Variants in GSE1 observed in about 807,000 individuals in gnomAD.
GSE1 encodes the protein Gse1 coiled-coil protein.
In GSE1, 32 loss-of-function variants were observed where a neutral mutation model predicts 112.6. The ratio of observed to expected loss-of-function variants is 0.28; its 90% CI spans 0.21 to 0.38. The LOEUF (loss-of-function observed/expected upper bound fraction) is 0.38, where lower values mean the gene tolerates loss of function less well. Ranked by LOEUF, GSE1 falls within the 10% of genes least tolerant of loss-of-function variation. GSE1 has a pLI of 1.00. For synonymous variants in GSE1, 1,115 were observed against 735.6 expected (o/e 1.52, Z -8.35); for missense variants, 2,348 against 1,699.2 (o/e 1.38, Z -6.71).
At chr16:85,447,446 C>T (rs978083162) in intron 2 of GSE1, among the ~76,000 whole-genome samples, 2 of 152,222 alleles carry the variant, frequency 1.3e-5, no homozygotes, top group African/African-American at 2.4e-5. Flanking sequence ...ATCTGAAAAA[C>T]GGGGCAGTTA....
chr16:85,496,255 C>T (rs1443570564), intron 2 of GSE1, among the ~76,000 whole-genome samples: 1 of 152,250 alleles, frequency 6.6e-6, no homozygotes, highest in African/African-American at 2.4e-5. Flanking sequence ...GCCTCCAAGG[C>T]CGTCGTCAGG....
chr16:85,462,514 C>T (rs2151826170), intron 2 of GSE1, among the ~76,000 whole-genome samples: 1 of 152,090 alleles, frequency 6.6e-6, no homozygotes, highest in Non-Finnish European at 1.5e-5. Context: ...AAAAGCGGCC[C>T]CAATTAGAGG....
intron 2 of GSE1, among the ~76,000 whole-genome samples, chr16:85,484,031 C>A (rs2151878643): frequency 6.6e-6 from 1 of 152,330 alleles, no homozygotes; most frequent in East Asian, 1.9e-4. Flanking sequence ...GAAACTGAGG[C>A]AGAGCTGGGG....
Position 85,661,338 on chromosome 16 carries a change from ATTTGAG to A in GSE1, c.1834_1839del (p.Phe612_Glu613del). 6.2e-7 allele frequency: 1 copy of A among 1,612,164 alleles called. No homozygotes were observed. On this transcript the variant is annotated inframe_deletion, in exon 9 of 16. Coordinates refer to ENST00000253458, the MANE Select transcript of GSE1 (RefSeq NM_014615.5). The stretch of plus-strand genomic sequence containing the variant: ...ACTCTCTGCACAGCCACCCGGCTGC[ATTTGAG>A]CCCAGCCGCCAGGCAGCCGTGCCGC...
At chr16:85,468,225 T>C (rs546889871) in intron 2 of GSE1, among the ~76,000 whole-genome samples, 40 of 151,954 alleles carry the variant, frequency 2.6e-4, no homozygotes, top group Admixed American at 6.5e-4. Flanking sequence ...TTCGAGAACC[T>C]TGGGCAAGGT....
intron 1 of GSE1, among the ~76,000 whole-genome samples, chr16:85,287,444 AC>A (rs1457431759): frequency 6.7e-6 from 1 of 149,230 alleles, no homozygotes; most frequent in African/African-American, 2.5e-5. Flanking sequence ...ATCCACCCAC[AC>A]CCCCGCCTCT....
At chr16:85,492,743 C>CCT (rs2051049855) in intron 2 of GSE1, among the ~76,000 whole-genome samples, 2 of 146,310 alleles carry the variant, frequency 1.4e-5, no homozygotes, top group African/African-American at 5.2e-5. Context: ...GGGAGCCGTC[C>CCT]CTGGGGGATT....
intron 1 of GSE1, among the ~76,000 whole-genome samples, chr16:85,605,729 T>C (rs2047677047): frequency 6.6e-6 from 1 of 151,900 alleles, no homozygotes; most frequent in Admixed American, 6.5e-5. Flanking sequence ...GGTCATTGAA[T>C]GGGGTTAACA....
chr16:85,287,251 G>A (rs1216204331), intron 1 of GSE1, among the ~76,000 whole-genome samples: 1 of 152,242 alleles, frequency 6.6e-6, no homozygotes, highest in Non-Finnish European at 1.5e-5. Flanking sequence ...GGGGCTTGGA[G>A]GCCTGAGCTC....
At chr16:85,626,591 C>T (rs1027528698) in intron 1 of GSE1, among the ~76,000 whole-genome samples, 5 of 152,294 alleles carry the variant, frequency 3.3e-5, no homozygotes, top group Admixed American at 6.5e-5. Context: ...CCCAGCCTCA[C>T]GGGGTGTAAT....
chr16:85,250,510 G>A (rs937368482), intron 1 of GSE1, among the ~76,000 whole-genome samples: 1 of 152,210 alleles, frequency 6.6e-6, no homozygotes, highest in Non-Finnish European at 1.5e-5. Context: ...CAAGCCCCTT[G>A]CCATGGAGAC....
At chr16:85,430,953 C>T (rs2049105672) in intron 2 of GSE1, among the ~76,000 whole-genome samples, 1 of 152,356 alleles carries the variant, frequency 6.6e-6, no homozygotes, top group South Asian at 2.1e-4. Context: ...GCTTAAGACT[C>T]TGCACTTTGA....
chr16:85,585,029 C>T (rs868047657), intron 1 of GSE1, among the ~76,000 whole-genome samples: 1 of 152,256 alleles, frequency 6.6e-6, no homozygotes, highest in African/African-American at 2.4e-5. Context: ...AGGCCAAATC[C>T]AGCGTATGGG....
At chr16:85,420,185 G>T (rs551641266) in intron 2 of GSE1, among the ~76,000 whole-genome samples, 1 of 152,172 alleles carries the variant, frequency 6.6e-6, no homozygotes, top group Middle Eastern at 3.4e-3. Flanking sequence ...CCAGGAGTTC[G>T]AAACCAGCCT....
intron 1 of GSE1, among the ~76,000 whole-genome samples, chr16:85,614,452 C>G (rs1474877892): frequency 2.6e-5 from 4 of 152,204 alleles, no homozygotes. Flanking sequence ...GGTGGGGGAC[C>G]AGGGGGGCAC....
At chr16:85,546,261 T>C (rs1246192235) in intron 2 of GSE1, among the ~76,000 whole-genome samples, 3 of 152,114 alleles carry the variant, frequency 2.0e-5, no homozygotes, top group Non-Finnish European at 4.4e-5. Flanking sequence ...ATTTTAGTAT[T>C]TCTTAGTAGA....
chr16:85,659,849 A>T (rs1027563040), intron 8 of GSE1, among the ~76,000 whole-genome samples: 2 of 152,222 alleles, frequency 1.3e-5, no homozygotes, highest in African/African-American at 4.8e-5. Flanking sequence ...AGCAGGCCTT[A>T]GCCTGGGTCC....
intron 1 of GSE1, among the ~76,000 whole-genome samples, chr16:85,628,832 T>A (rs1361313470): frequency 6.6e-6 from 1 of 152,198 alleles, no homozygotes; most frequent in Non-Finnish European, 1.5e-5. Flanking sequence ...GTGTGCGCCA[T>A]CTGGGGTCTG....
At chr16:85,204,100 A>G (rs577225353) in intron 1 of GSE1, among the ~76,000 whole-genome samples, 1 of 152,254 alleles carries the variant, frequency 6.6e-6, no homozygotes, top group Non-Finnish European at 1.5e-5. Context: ...CCTAAAGGAT[A>G]CCCATACCTG....
Sources: gnomAD v4.1 joint callset for allele counts (sites outside exome capture counted in the v4.1 genomes callset) on GRCh38, gnomAD v4.1.1 for gene constraint, MANE v1.5 for transcripts, NCBI Gene and HGNC (gene_info 2026-07-23, HGNC 2026-07-21) for gene names.